GSE1: variants seen among roughly 807,000 people sequenced by gnomAD.
The protein encoded by GSE1 is genetic suppressor element 1.
In GSE1, 32 loss-of-function variants were observed where a neutral mutation model predicts 112.6. The ratio of observed to expected loss-of-function variants is 0.28; its 90% CI spans 0.21 to 0.38. The LOEUF (loss-of-function observed/expected upper bound fraction) is 0.38. GSE1 is among the 10% of genes least tolerant of loss of function. GSE1 has a pLI of 1.00. For missense variants in GSE1, 2,348 were observed against 1,699.2 expected, an observed-to-expected ratio of 1.38 and a Z score of -6.71; for synonymous variants, 1,115 against 735.6, an observed-to-expected ratio of 1.52 and a Z score of -8.35.
intron 1 of GSE1, among the ~76,000 whole-genome samples, chr16:85,202,083 G>A (rs181353849): frequency 5.3e-5 from 8 of 152,336 alleles, no homozygotes; most frequent in East Asian, 3.9e-4. Flanking sequence ...CTGAGCTGGC[G>A]GAAGGTGGTG....
chr16:85,486,807 C>T (rs1382452023), intron 2 of GSE1, among the ~76,000 whole-genome samples: 3 of 152,222 alleles, frequency 2.0e-5, no homozygotes, highest in African/African-American at 7.2e-5. Flanking sequence ...GAGAAGAGCC[C>T]TCTCCCTCCC....
intron 1 of GSE1, among the ~76,000 whole-genome samples, chr16:85,343,985 C>T (rs12716759): frequency 0.66 from 100,357 of 152,022 alleles, 33,419 homozygotes; most frequent in Non-Finnish European, 0.71. Flanking sequence ...GGCCATTCCC[C>T]GCGCCTGAAA....
At chr16:85,315,593 CCT>C (rs1392665740) in intron 1 of GSE1, among the ~76,000 whole-genome samples, 1 of 152,106 alleles carries the variant, frequency 6.6e-6, no homozygotes, top group African/African-American at 2.4e-5. Context: ...AAACCCAACC[CCT>C]GTGTCCTGGG....
At chr16:85,261,489 G>T (rs1159581387) in intron 1 of GSE1, among the ~76,000 whole-genome samples, 1 of 152,230 alleles carries the variant, frequency 6.6e-6, no homozygotes, top group African/African-American at 2.4e-5. Flanking sequence ...AGAGTGGGTA[G>T]GCACATCTCC....
chr16:85,612,276 C>CG (rs979225696), upstream of GSE1, among the ~76,000 whole-genome samples: 150 of 146,306 alleles, frequency 1.0e-3, 1 homozygote, highest in East Asian at 3.6e-3. Context: ...TGGGCGGAGC[C>CG]GGGGGGTGGG....
Position 85,542,426 on chromosome 16 carries a change from C to A in GSE1, c.2465-91488C>A, listed in dbSNP as rs1024968660. Reference sequence around the variant, plus strand: ...AGCCACACTGCACCTGCCACAGGGGCAGAACCGTGCTGGGACCCAGCATCC... The same window carrying A: ...AGCCACACTGCACCTGCCACAGGGGAAGAACCGTGCTGGGACCCAGCATCC... On this transcript the variant is annotated intron_variant, in intron 2 of 2. Transcript: ENST00000637419. 5.9e-5 allele frequency among the ~76,000 whole-genome samples: 9 copies of A among 152,350 alleles called. 1 individual carries two copies. Among genetic ancestry groups the A allele is most frequent in the Admixed American group, 1.3e-4 (2 of 15,304 alleles).
intron 1 of GSE1, among the ~76,000 whole-genome samples, chr16:85,590,417 G>C (rs1389906878): frequency 6.6e-6 from 1 of 151,620 alleles, no homozygotes; most frequent in African/African-American, 2.4e-5. Context: ...GTGTGAACAT[G>C]TGGGCCCGCG....
chr16:85,222,579 A>G (rs1156654917), intron 1 of GSE1, among the ~76,000 whole-genome samples: 2 of 152,224 alleles, frequency 1.3e-5, no homozygotes, highest in Non-Finnish European at 2.9e-5. Flanking sequence ...TCCCACCCCC[A>G]GCAGCCATGC....
rs777381192 is a variant in GSE1, at chr16:85,204,301, C to T, written c.2283+32494C>T. Reference sequence around the variant, plus strand: ...CCCTGAACTTCATTCTTCCTATGGCCGGATAATACTCCACTGTATGGAAAA... The same window carrying T: ...CCCTGAACTTCATTCTTCCTATGGCTGGATAATACTCCACTGTATGGAAAA... On this transcript the variant is annotated intron_variant, in intron 1 of 2. Coordinates refer to the GSE1 transcript ENST00000637419. Among the ~76,000 whole-genome samples, 7 of 152,184 alleles carry T rather than the reference C, an allele frequency of 4.6e-5. 1 individual carries two copies. The highest frequency in any genetic ancestry group is 4.1e-4 in the South Asian group (2 of 4,822).
intron 1 of GSE1, among the ~76,000 whole-genome samples, chr16:85,279,995 G>A (rs1452271805): frequency 1.3e-5 from 2 of 152,182 alleles, no homozygotes; most frequent in Admixed American, 6.5e-5. Flanking sequence ...CAGAGCTGAG[G>A]GGGAAATTGA....
upstream of GSE1, among the ~76,000 whole-genome samples, chr16:85,612,904 G>A (rs78968930): frequency 1.7e-3 from 261 of 151,260 alleles, 5 homozygotes; most frequent in East Asian, 0.036. Context: ...ACGTGGCGAG[G>A]GTGCTGCACT....
chr16:85,390,342 C>T (rs946020598), intron 2 of GSE1, among the ~76,000 whole-genome samples: 6 of 151,992 alleles, frequency 3.9e-5, no homozygotes, highest in African/African-American at 1.2e-4. Context: ...GACGGGGCCT[C>T]CTTTGCTTTC....
At chr16:85,341,587 GGCAGAGGTGCAGTGA>G (rs1270314209) in intron 1 of GSE1, among the ~76,000 whole-genome samples, 1 of 152,206 alleles carries the variant, frequency 6.6e-6, no homozygotes, top group Middle Eastern at 3.4e-3. Context: ...GAACCCGGGA[GGCAGAGGTGCAGTGA>G]GCAGAGATCA....
chr16:85,604,962 C>T (rs181790840), intron 1 of GSE1, among the ~76,000 whole-genome samples: 4,804 of 142,148 alleles, frequency 0.034, 351 homozygotes, highest in African/African-American at 0.12. Flanking sequence ...GGACTACAGG[C>T]GCCCTCCACC....
intron 1 of GSE1, among the ~76,000 whole-genome samples, chr16:85,354,299 C>T (rs56148939): frequency 0.047 from 7,096 of 152,290 alleles, 500 homozygotes; most frequent in African/African-American, 0.16. Flanking sequence ...CGTATCCCTC[C>T]AGTTATTGTG....
intron 1 of GSE1, among the ~76,000 whole-genome samples, chr16:85,599,601 C>G (rs977571762): frequency 6.6e-6 from 1 of 152,242 alleles, no homozygotes; most frequent in Non-Finnish European, 1.5e-5. Flanking sequence ...GATCACAAGC[C>G]TCTTGCATCT....
intron 2 of GSE1, among the ~76,000 whole-genome samples, chr16:85,376,002 T>G (rs567460687): frequency 1.0e-3 from 155 of 152,212 alleles, no homozygotes; most frequent in Middle Eastern, 6.8e-3. Context: ...GAAGCTGGAA[T>G]TCCCACAGGG....
At chr16:85,304,601 C>CGGGGGGGG (rs1290541396) in intron 1 of GSE1, among the ~76,000 whole-genome samples, 36 of 78,148 alleles carry the variant, frequency 4.6e-4, no homozygotes, top group African/African-American at 1.1e-3. Context: ...AAGCCGGGGG[C>CGGGGGGGG]GGGGGGGTGG....
chr16:85,337,462 C>T (rs944584318), intron 1 of GSE1, among the ~76,000 whole-genome samples: 11 of 152,082 alleles, frequency 7.2e-5, no homozygotes, highest in South Asian at 2.1e-4. Flanking sequence ...CCCGCCACCA[C>T]GCCCGGCTAA....
Sources: allele counts gnomAD v4.1 joint callset (sites outside exome capture counted in the v4.1 genomes callset), GRCh38; gene constraint gnomAD v4.1.1; transcripts MANE v1.5; gene names NCBI Gene and HGNC (gene_info 2026-07-23, HGNC 2026-07-21).